FBXL5: variants seen among roughly 807,000 people sequenced by gnomAD.
FBXL5 encodes the protein F-box and leucine rich repeat protein 5, also known as F-box/LRR-repeat protein 5.
FBXL5 carries 26 observed loss-of-function variants against 78.3 expected under a neutral mutation model. That is an observed-to-expected ratio of 0.33 (90% CI 0.24 to 0.46). The LOEUF (loss-of-function observed/expected upper bound fraction) is 0.46. FBXL5 is among the 20% of genes least tolerant of loss of function. The probability of loss-of-function intolerance (pLI) is 1.00; values close to 1 mark genes in which losing one functional copy is unlikely to be tolerated. For synonymous variants in FBXL5, 295 were observed against 282.5 expected, an observed-to-expected ratio of 1.04 and a Z score of -0.45; for missense variants, 710 against 829.2, an observed-to-expected ratio of 0.86 and a Z score of 1.77.
Position 15,605,434 on chromosome 4 carries a change from G to T in FBXL5, c.*289C>A, listed in dbSNP as rs367544365. 1 of 290,986 alleles carries T rather than the reference G, an allele frequency of 3.4e-6. No individual in the cohort carries two copies. The highest frequency in any genetic ancestry group is 6.6e-6 in the Non-Finnish European group (1 of 151,652). The allele number at this position is 290,986 out of a possible 1,614,324, so 18.0% of individuals were successfully genotyped here. A position where few individuals can be genotyped will look rare whatever the true frequency, so the allele number is the denominator to read the frequency against. On this transcript the variant is annotated 3_prime_UTR_variant, in exon 11 of 11. Coordinates refer to ENST00000341285, the MANE Select transcript of FBXL5 (RefSeq NM_012161.4). ...AAATTATCTATGAAATACTTTAAAT[G>T]ACATGGCATTACCAACATTCTTTAA...
At chr4:15,655,462 C>T (rs1716800730), upstream of FBXL5, 2 of 901,416 alleles carry the variant, frequency 2.2e-6, no homozygotes, top group Non-Finnish European at 2.7e-6. Context: ...GCCATGCGAT[C>T]CCTGCGGCCC....
At chr4:15,675,572 A>AT (rs60660814) in intron 1 of FBXL5, among the ~76,000 whole-genome samples, 1,504 of 96,576 alleles carry the variant, frequency 0.016, 91 homozygotes, top group African/African-American at 0.036. Context: ...CAAAACTCCT[A>AT]TTTTTTTTTT....
chr4:15,671,226 G>A (rs541547289), intron 1 of FBXL5, among the ~76,000 whole-genome samples: 1 of 151,580 alleles, frequency 6.6e-6, no homozygotes, highest in East Asian at 1.9e-4. Flanking sequence ...ACCTGGCCTG[G>A]GCATGTAATT....
Position 15,625,402 on chromosome 4 carries a change from G to A in FBXL5, c.1700C>T (p.Ser567Phe), listed in dbSNP as rs1481164229. ...CCTTGCTGCTTTTCTACACATTGCA[G>A]AAGATTCTGGGAGTGATGACATAGT... Reference protein sequence around the residue: ...LRTMSSLPESSAMCRKAARTR... With the variant: ...LRTMSSLPESFAMCRKAARTR... Residue 567 changes from serine (S) to phenylalanine (F), a missense_variant, in exon 9 of 11, where the codon TCT (serine) becomes TTT (phenylalanine). Coordinates refer to ENST00000341285, the MANE Select transcript of FBXL5 (RefSeq NM_012161.4). 2 of 1,614,048 alleles carry A rather than the reference G, an allele frequency of 1.2e-6. No individual in the cohort carries two copies. The highest frequency in any genetic ancestry group is 1.7e-6 in the Non-Finnish European group (2 of 1,180,046).
At chr4:15,627,757 A>G in intron 7 of FBXL5, 128 bp downstream of exon 7, 1 of 731,482 alleles carries the variant, frequency 1.4e-6, no homozygotes, top group Non-Finnish European at 2.2e-6. Context: ...GTGTATGCCT[A>G]CCCATAGGAA....
At position 15,605,225 on chromosome 4, in the gene FBXL5, G is replaced by C. The variant is rs1380710660; in HGVS notation, c.*498C>G. The C allele has an allele frequency of 2.0e-5, 3 of 153,046 alleles. No homozygotes were observed. Among genetic ancestry groups the C allele is most frequent in the Non-Finnish European group, 4.4e-5 (3 of 68,364 alleles). 9.5% of individuals were successfully genotyped at this position (153,046 alleles called of 1,614,324 possible). Reference sequence around the variant, plus strand: ...CCTAAAGAACCTTAAATGTGGGTTTGTTTGAATTGGCCTTCTGAGAATCAT... The same window carrying C: ...CCTAAAGAACCTTAAATGTGGGTTTCTTTGAATTGGCCTTCTGAGAATCAT... On this transcript the variant is annotated 3_prime_UTR_variant, in exon 11 of 11. Transcript: ENST00000341285.
At chr4:15,630,556 AGTTT>A in intron 6 of FBXL5, 106 bp downstream of exon 6, 5 of 979,980 alleles carry the variant, frequency 5.1e-6, no homozygotes, top group Non-Finnish European at 7.0e-6. Context: ...TAGAAACACC[AGTTT>A]CTTTAGAAAA....
At chr4:15,607,083 C>G (rs561408379) in intron 10 of FBXL5, among the ~76,000 whole-genome samples, 1 of 152,060 alleles carries the variant, frequency 6.6e-6, no homozygotes, top group Non-Finnish European at 1.5e-5. Context: ...ATAAACATTA[C>G]GCAAATATGT....
chr4:15,644,484 G>C lies in FBXL5; in HGVS notation c.300+9C>G. On this transcript the variant is annotated intron_variant, in intron 2 of 10. Transcript: ENST00000341285. ...TTTTGACAGTTGAATATCCATTTTTGCAACTTACCTTAACATTCTTCAGTC... is the reference window on the plus strand; with the variant it reads ...TTTTGACAGTTGAATATCCATTTTTCCAACTTACCTTAACATTCTTCAGTC... 1 of 1,586,408 alleles carries C rather than the reference G, an allele frequency of 6.3e-7. No individual in the cohort carries two copies. Among genetic ancestry groups the C allele is most frequent in the South Asian group, 1.1e-5 (1 of 89,872 alleles).
At chr4:15,627,131 C>CTTT (rs33920814) in intron 7 of FBXL5, among the ~76,000 whole-genome samples, 176 bp from the exon 8 acceptor site, 74 of 87,816 alleles carry the variant, frequency 8.4e-4, no homozygotes, top group Non-Finnish European at 1.4e-3. Flanking sequence ...CTGAGAATCT[C>CTTT]TTTTTTTTTT....
At chr4:15,660,347 A>T (rs1717245645), upstream of FBXL5, among the ~76,000 whole-genome samples, 1 of 152,098 alleles carries the variant, frequency 6.6e-6, no homozygotes, top group Admixed American at 6.5e-5. Flanking sequence ...CTCCCAAAGC[A>T]CTGGGATTAC....
At chr4:15,628,145 C>A in intron 6 of FBXL5, 112 bp from the exon 7 acceptor site, 3 of 1,024,376 alleles carry the variant, frequency 2.9e-6, no homozygotes, top group South Asian at 3.3e-5. Context: ...CTTATACTTT[C>A]TTATGTAAAC....
intron 9 of FBXL5, among the ~76,000 whole-genome samples, chr4:15,616,412 C>T (rs1354465657): frequency 1.3e-5 from 2 of 152,252 alleles, no homozygotes; most frequent in African/African-American, 4.8e-5. Context: ...GCCCCCTCAA[C>T]CAGGCAACTG....
intron 10 of FBXL5, among the ~76,000 whole-genome samples, chr4:15,609,592 T>TA (rs1388314832): frequency 1.3e-5 from 2 of 152,060 alleles, no homozygotes; most frequent in South Asian, 4.1e-4. Flanking sequence ...TGCAAATCAG[T>TA]AAAAAAGTTT....
chr4:15,631,443 T>C (rs1249560216), intron 5 of FBXL5, among the ~76,000 whole-genome samples: 1 of 152,242 alleles, frequency 6.6e-6, no homozygotes, highest in Non-Finnish European at 1.5e-5. Flanking sequence ...AGTAATGGGA[T>C]GGCTGGGTCA....
At chr4:15,615,131 G>A (rs550191114) in intron 9 of FBXL5, among the ~76,000 whole-genome samples, 81 of 152,258 alleles carry the variant, frequency 5.3e-4, no homozygotes, top group East Asian at 1.4e-3. Context: ...ATTTCTCACC[G>A]AGCCTTAGCT....
At chr4:15,680,537 C>G (rs1257371778) in intron 1 of FBXL5, among the ~76,000 whole-genome samples, 2 of 152,006 alleles carry the variant, frequency 1.3e-5, no homozygotes, top group African/African-American at 4.8e-5. Flanking sequence ...ATTAGCCTGG[C>G]ATGGTGGCGG....
intron 8 of FBXL5, 100 bp from the exon 9 acceptor site, chr4:15,626,077 C>A: frequency 9.6e-6 from 10 of 1,040,194 alleles, no homozygotes; most frequent in Non-Finnish European, 1.3e-5. Context: ...GATTTGACAT[C>A]TAATATAATC....
intron 7 of FBXL5, 32 bp from the exon 8 acceptor site, chr4:15,626,987 C>A (rs367623819): frequency 1.8e-5 from 26 of 1,443,032 alleles, no homozygotes; most frequent in African/African-American, 3.2e-5. Flanking sequence ...CTGTAAAGAT[C>A]TGCAGAACTT....
Sources: gnomAD v4.1 joint callset for allele counts (sites outside exome capture counted in the v4.1 genomes callset) on GRCh38, gnomAD v4.1.1 for gene constraint, MANE v1.5 for transcripts, NCBI Gene and HGNC (gene_info 2026-07-23, HGNC 2026-07-21) for gene names.